Variants in TTC28 observed in about 807,000 individuals in gnomAD.
The protein encoded by TTC28 is tetratricopeptide repeat protein 28.
A neutral mutation model predicts 198.0 loss-of-function variants in TTC28; 61 were observed. The ratio of observed to expected loss-of-function variants is 0.31; its 90% CI spans 0.25 to 0.38. The LOEUF is 0.38. Among genes scored for constraint, TTC28 ranks in the 10% least tolerant of loss-of-function variants. The probability of loss-of-function intolerance (pLI) is 1.00; values close to 1 mark genes in which losing one functional copy is unlikely to be tolerated. For synonymous variants in TTC28, 1,171 were observed against 1,297.8 expected (o/e 0.90, Z 2.10); for missense variants, 2,678 against 3,164.0 (o/e 0.85, Z 3.69).
chr22:28,359,534 C>T (rs1453186000), intron 2 of TTC28, among the ~76,000 whole-genome samples: 2 of 152,138 alleles, frequency 1.3e-5, no homozygotes, highest in East Asian at 1.9e-4. Context: ...TCTGTATATG[C>T]TTCAGTTTTT....
intron 2 of TTC28, among the ~76,000 whole-genome samples, chr22:28,331,084 T>A (rs2045608102): frequency 6.6e-6 from 1 of 152,162 alleles, no homozygotes; most frequent in Non-Finnish European, 1.5e-5. Context: ...GAAATGGAAC[T>A]GAAATTCATT....
intron 5 of TTC28, among the ~76,000 whole-genome samples, chr22:28,271,717 G>T (rs1168892785): frequency 6.6e-6 from 1 of 152,084 alleles, no homozygotes; most frequent in Non-Finnish European, 1.5e-5. Context: ...CAATTCTCCA[G>T]CCTCAGCCTC....
At position 28,266,774 on chromosome 22, in the gene TTC28, C is replaced by T. The variant is rs114516830; in HGVS notation, c.933+29424G>A. On this transcript the variant is annotated intron_variant, in intron 5 of 22. Coordinates refer to ENST00000397906, the MANE Select transcript of TTC28 (RefSeq NM_001145418.2). ...TATAAGCAAAAATAAATGTGTATGG[C>T]TTTATGCTACCCATATTTTGTGGTT... 8.6e-3 allele frequency among the ~76,000 whole-genome samples: 1,312 copies of T among 152,234 alleles called. 17 individuals carry two copies. Among genetic ancestry groups the T allele is most frequent in the African/African-American group, 0.03 (1,240 of 41,546 alleles).
intron 2 of TTC28, among the ~76,000 whole-genome samples, chr22:28,335,972 G>A (rs1328192765): frequency 2.0e-5 from 3 of 152,094 alleles, no homozygotes; most frequent in Non-Finnish European, 4.4e-5. Context: ...ATTGGCTGTG[G>A]GTTTGTCATA....
At chr22:28,507,605 A>G (rs925632523) in intron 2 of TTC28, among the ~76,000 whole-genome samples, 5 of 152,184 alleles carry the variant, frequency 3.3e-5, no homozygotes, top group African/African-American at 9.7e-5. Flanking sequence ...ACATATAATC[A>G]TCAGATTCTC....
intron 12 of TTC28, among the ~76,000 whole-genome samples, chr22:28,077,802 A>C (rs1222071842): frequency 6.6e-6 from 1 of 152,238 alleles, no homozygotes; most frequent in Non-Finnish European, 1.5e-5. Flanking sequence ...CAATAAAGGA[A>C]CATTTACCCC....
chr22:28,619,577 C>CAAA (rs1271518674), intron 2 of TTC28, among the ~76,000 whole-genome samples: 2 of 152,140 alleles, frequency 1.3e-5, no homozygotes, highest in Non-Finnish European at 2.9e-5. Context: ...GCATGTTTGT[C>CAAA]AGCAGAATAG....
chr22:28,453,762 T>C (rs1399087983), intron 2 of TTC28, among the ~76,000 whole-genome samples: 1 of 152,192 alleles, frequency 6.6e-6, no homozygotes, highest in Admixed American at 6.5e-5. Flanking sequence ...TCTACTACAG[T>C]ATCTTCCGCT....
intron 12 of TTC28, among the ~76,000 whole-genome samples, chr22:28,070,983 G>C (rs935411424): frequency 6.6e-6 from 1 of 152,138 alleles, no homozygotes; most frequent in Non-Finnish European, 1.5e-5. Context: ...GGAGGTGAGG[G>C]AGCAGCAAAA....
intron 1 of TTC28, among the ~76,000 whole-genome samples, chr22:28,674,920 A>C: frequency 6.6e-6 from 1 of 152,172 alleles, no homozygotes; most frequent in Admixed American, 6.5e-5. Context: ...TTGGAAATAT[A>C]AGGGACCCAA....
intron 2 of TTC28, among the ~76,000 whole-genome samples, chr22:28,334,974 T>C (rs539880249): frequency 6.6e-6 from 1 of 152,344 alleles, no homozygotes; most frequent in Admixed American, 6.5e-5. Context: ...CTTCTAGGGT[T>C]TTTATGGTTT....
chr22:28,179,558 T>G (rs1923509177), intron 5 of TTC28, among the ~76,000 whole-genome samples: 1 of 152,216 alleles, frequency 6.6e-6, no homozygotes, highest in Admixed American at 6.5e-5. Context: ...TGTGGGCAGC[T>G]ATGTGACCTG....
At chr22:28,046,404 T>G (rs1294143965) in intron 12 of TTC28, among the ~76,000 whole-genome samples, 1 of 152,196 alleles carries the variant, frequency 6.6e-6, no homozygotes, top group Non-Finnish European at 1.5e-5. Context: ...AGCATGTTAT[T>G]GTACTGAATA....
intron 2 of TTC28, among the ~76,000 whole-genome samples, chr22:28,510,818 C>T (rs2048677674): frequency 6.6e-6 from 1 of 151,958 alleles, no homozygotes; most frequent in Non-Finnish European, 1.5e-5. Context: ...TCTCAGAATA[C>T]AAAATCAATG....
At chr22:27,996,475 C>T in intron 16 of TTC28, 1 of 659,972 alleles carries the variant, frequency 1.5e-6, no homozygotes, top group South Asian at 2.3e-5. Flanking sequence ...TATTGTTCAG[C>T]TGTTCAGGTT....
At chr22:28,219,239 T>C (rs1927651222) in intron 5 of TTC28, among the ~76,000 whole-genome samples, 1 of 152,108 alleles carries the variant, frequency 6.6e-6, no homozygotes, top group South Asian at 2.1e-4. Flanking sequence ...CTGGGCGTGG[T>C]GGCTCACGCC....
intron 2 of TTC28, among the ~76,000 whole-genome samples, chr22:28,601,983 T>C (rs1569052283): frequency 6.6e-6 from 1 of 151,456 alleles, no homozygotes; most frequent in East Asian, 1.9e-4. Context: ...AAATATTAGT[T>C]ATCCCTTACA....
intron 2 of TTC28, among the ~76,000 whole-genome samples, chr22:28,598,065 T>G (rs192764897): frequency 1.3e-5 from 2 of 152,158 alleles, no homozygotes; most frequent in Admixed American, 1.3e-4. Context: ...AACTTCCACA[T>G]ACACAAATTC....
At chr22:28,353,521 G>C (rs142189241) in intron 2 of TTC28, among the ~76,000 whole-genome samples, 1 of 152,096 alleles carries the variant, frequency 6.6e-6, no homozygotes, top group Admixed American at 6.6e-5. Context: ...ACAGAACAGA[G>C]AGCCCAGAAA....
Sources: gnomAD v4.1 joint callset for allele counts (sites outside exome capture counted in the v4.1 genomes callset) on GRCh38, gnomAD v4.1.1 for gene constraint, MANE v1.5 for transcripts, NCBI Gene and HGNC (gene_info 2026-07-23, HGNC 2026-07-21) for gene names.